Variants in RAPGEF2 observed in about 807,000 individuals in gnomAD.
RAPGEF2 encodes the protein PDZ domain containing guanine nucleotide exchange factor (GEF) 1.
In RAPGEF2, 54 loss-of-function variants were observed where a neutral mutation model predicts 186.7. The ratio of observed to expected loss-of-function variants is 0.29; its 90% CI spans 0.23 to 0.36. The LOEUF is 0.36. RAPGEF2 is among the 10% of genes least tolerant of loss of function. RAPGEF2 has a pLI of 1.00. For synonymous variants in RAPGEF2, 712 were observed against 705.9 expected (o/e 1.01, Z -0.14); for missense variants, 1,532 against 2,045.0 (o/e 0.75, Z 4.84).
At chr4:159,259,980 T>C (rs952980030) in intron 7 of RAPGEF2, among the ~76,000 whole-genome samples, 1 of 152,034 alleles carries the variant, frequency 6.6e-6, no homozygotes, top group African/African-American at 2.4e-5. Flanking sequence ...CTGTAGTTTG[T>C]TTTTATTATT....
At chr4:159,165,535 T>C (rs551547000) in intron 1 of RAPGEF2, among the ~76,000 whole-genome samples, 1 of 152,366 alleles carries the variant, frequency 6.6e-6, no homozygotes, top group African/African-American at 2.4e-5. Flanking sequence ...CATTAGTGAA[T>C]AATTCATATC....
chr4:159,257,836 A>G (rs547560530), intron 7 of RAPGEF2, among the ~76,000 whole-genome samples: 1 of 152,198 alleles, frequency 6.6e-6, no homozygotes, highest in African/African-American at 2.4e-5. Flanking sequence ...AGACTTGTAT[A>G]ATTTGAAGTC....
At chr4:159,240,248 C>G (rs1753799307) in intron 5 of RAPGEF2, among the ~76,000 whole-genome samples, 1 of 151,622 alleles carries the variant, frequency 6.6e-6, no homozygotes, top group African/African-American at 2.4e-5. Flanking sequence ...GTTTTGTAAC[C>G]TAGACATGCC....
Position 159,238,868 on chromosome 4 carries a change from C to A in RAPGEF2, c.341C>A (p.Pro114His). The change falls in exon 5 of 30, where the codon CCT (proline) becomes CAT (histidine). Residue 114 changes from proline (P) to histidine (H), a missense_variant. Pro to His is a moderately conservative substitution (Grantham distance 77). Coordinates refer to ENST00000691494, the MANE Select transcript of RAPGEF2 (RefSeq NM_001394067.2). ...RRGCECIVLE[P>H]SEMIVVDYMD... ...GGCTGTGAATGCATTGTTTTAGAGC[C>A]TTCTGAAATGATTGTGGTAAGAGTA... 3 of 1,515,380 alleles carry A rather than the reference C, an allele frequency of 2.0e-6. No homozygotes were observed. The highest frequency in any genetic ancestry group is 2.6e-6 in the Non-Finnish European group (3 of 1,139,900). 93.9% of individuals were successfully genotyped at this position (1,515,380 alleles called of 1,614,324 possible).
intron 7 of RAPGEF2, among the ~76,000 whole-genome samples, chr4:159,285,099 T>G (rs537412159): frequency 2.0e-5 from 3 of 152,292 alleles, no homozygotes; most frequent in Admixed American, 6.5e-5. Context: ...TTTCCACCTC[T>G]ATTACTTTTT....
At chr4:159,240,579 C>G (rs1285075947) in intron 5 of RAPGEF2, among the ~76,000 whole-genome samples, 1 of 151,816 alleles carries the variant, frequency 6.6e-6, no homozygotes, top group Non-Finnish European at 1.5e-5. Context: ...GTGATCCACC[C>G]GCCTCGGCCT....
chr4:159,275,054 CGTGTGTGTGTGTGTGTGTGTGTGTGT>C (rs35461332), intron 7 of RAPGEF2, among the ~76,000 whole-genome samples: 3 of 143,868 alleles, frequency 2.1e-5, no homozygotes, highest in South Asian at 4.6e-4. Flanking sequence ...CTCTGTCTCT[CGTGTGTGTGTGTGTGTGTGTGTGTGT>C]GTGTGTGTGT....
intron 4 of RAPGEF2, among the ~76,000 whole-genome samples, chr4:159,216,220 A>G (rs1007390534): frequency 7.9e-5 from 12 of 152,176 alleles, no homozygotes; most frequent in African/African-American, 2.9e-4. Flanking sequence ...CCCTGCCATC[A>G]TGTAACTTAG....
In RAPGEF2 at chr4:159,197,359, A is replaced by G. The variant is rs1031843206; in HGVS notation, c.197+4103A>G. On this transcript the variant is annotated intron_variant, in intron 3 of 29. Coordinates refer to ENST00000691494, the MANE Select transcript of RAPGEF2 (RefSeq NM_001394067.2). Reference sequence around the variant, plus strand: ...GTGAAACGGAAATACTGTTTAATATATAATTACATTTAACGTGCTCAAAAC... The same window carrying G: ...GTGAAACGGAAATACTGTTTAATATGTAATTACATTTAACGTGCTCAAAAC... Among the ~76,000 whole-genome samples the G allele has an allele frequency of 3.3e-5, 5 of 152,336 alleles. No individual in the cohort carries two copies. In the East Asian group the frequency reaches 9.7e-4, roughly 29 times the overall value.
At chr4:159,357,912 T>G (rs1229762489) in intron 29 of RAPGEF2, among the ~76,000 whole-genome samples, 4 of 152,204 alleles carry the variant, frequency 2.6e-5, no homozygotes, top group Non-Finnish European at 5.9e-5. Flanking sequence ...TGTGTATATA[T>G]GTAAAGATAT....
chr4:159,106,707 TC>T (rs969126710), intron 1 of RAPGEF2, among the ~76,000 whole-genome samples: 11 of 152,204 alleles, frequency 7.2e-5, no homozygotes, highest in Non-Finnish European at 1.5e-4. Flanking sequence ...TAATTTTTTT[TC>T]CTGCTGTTCA....
At chr4:159,287,425 GA>G (rs550301096) in intron 7 of RAPGEF2, among the ~76,000 whole-genome samples, 2 of 152,082 alleles carry the variant, frequency 1.3e-5, no homozygotes, top group Non-Finnish European at 2.9e-5. Context: ...TATTTAGGAA[GA>G]ATATTAATAT....
At chr4:159,139,886 T>C (rs1450055152) in intron 1 of RAPGEF2, among the ~76,000 whole-genome samples, 1 of 152,032 alleles carries the variant, frequency 6.6e-6, no homozygotes, top group Non-Finnish European at 1.5e-5. Flanking sequence ...AGGGGTGGAG[T>C]CATGGAACAG....
chr4:159,185,551 G>T lies in RAPGEF2; in HGVS notation c.70-1091G>T, dbSNP rs573440460. Among the ~76,000 whole-genome samples, 92 of 152,294 alleles carry T rather than the reference G, an allele frequency of 6.0e-4. 1 individual carries two copies. The highest frequency in any genetic ancestry group is 2.2e-3 in the African/African-American group (90 of 41,566). ...CTTGAAAACATTGTGCTAAGTGAAG[G>T]AAGTTGTCCCCAAAGATCATATATT... On this transcript the variant is annotated intron_variant, in intron 1 of 29. Transcript: ENST00000691494.
At position 159,269,041 on chromosome 4, in the gene RAPGEF2, A is replaced by G. The variant is rs1020710292; in HGVS notation, c.543+25250A>G. On this transcript the variant is annotated intron_variant, in intron 7 of 29. Transcript: ENST00000691494. ...TTTGAAATGCCTACTTCTACATCCT[A>G]GCATCTAGCAGGTTATTAAAGTATA... 5.3e-5 allele frequency among the ~76,000 whole-genome samples: 8 copies of G among 152,216 alleles called. No individual in the cohort carries two copies. In the South Asian group the frequency reaches 1.7e-3, roughly 32 times the overall value.
Position 159,339,257 on chromosome 4 carries a change from C to G in RAPGEF2, c.2437C>G (p.Leu813Val). The change falls in exon 19 of 30, where the codon CTA becomes GTA. Residue 813 changes from leucine to valine, a missense_variant. Around this residue, in one of 4 missense-constraint regions of RAPGEF2, gnomAD observed 810 missense variants for 1,210.5 expected, o/e 0.67. Transcript: ENST00000691494. ...AVTATPDQYS[L>V]CEVSVTPEGV... ...TACTGCCACCCCGGATCAATATTCA[C>G]TATGTGAGGTCTCTGTCACACCTGA... 6.2e-7 allele frequency: 1 copy of G among 1,614,138 alleles called. No homozygotes were observed. Among genetic ancestry groups the G allele is most frequent in the Non-Finnish European group, 8.5e-7 (1 of 1,180,004 alleles).
chr4:159,288,264 G>A (rs1028515825), intron 7 of RAPGEF2, among the ~76,000 whole-genome samples: 1 of 152,066 alleles, frequency 6.6e-6, no homozygotes, highest in Non-Finnish European at 1.5e-5. Flanking sequence ...TCTGACCTTG[G>A]AAATTTGGTT....
chr4:159,211,686 G>A (rs75040795), intron 4 of RAPGEF2, among the ~76,000 whole-genome samples: 3,799 of 152,294 alleles, frequency 0.025, 159 homozygotes, highest in African/African-American at 0.087. Context: ...GCTTTTGGTG[G>A]CCAGAATGCT....
intron 1 of RAPGEF2, among the ~76,000 whole-genome samples, chr4:159,104,548 G>GAC (rs1737640736): frequency 1.5e-5 from 2 of 135,762 alleles, no homozygotes; most frequent in African/African-American, 3.0e-5. Context: ...GAGAGAGAGA[G>GAC]AGAGAGTGTG....
Sources: gnomAD v4.1 joint callset for allele counts (sites outside exome capture counted in the v4.1 genomes callset) on GRCh38, gnomAD v4.1.1 for gene constraint, gnomAD v4.1.1 regional missense constraint, MANE v1.5 for transcripts, NCBI Gene and HGNC (gene_info 2026-07-23, HGNC 2026-07-21) for gene names.